The following DGCR8 variants were observed in gnomAD, a reference collection of about 807,000 sequenced individuals.
DGCR8 encodes DGCR8 microprocessor complex subunit, also known as microprocessor complex subunit DGCR8.
A neutral mutation model predicts 78.5 loss-of-function variants in DGCR8; 14 were observed. That is an observed-to-expected ratio of 0.18 (90% CI 0.12 to 0.28). The LOEUF (loss-of-function observed/expected upper bound fraction) is 0.28. Among genes scored for constraint, DGCR8 ranks in the 10% least tolerant of loss-of-function variants. DGCR8 has a pLI of 1.00. For synonymous variants in DGCR8, 399 were observed against 402.4 expected, an observed-to-expected ratio of 0.99 and a Z score of 0.10; for missense variants, 702 against 1,022.5, an observed-to-expected ratio of 0.69 and a Z score of 4.28.
intron 13 of DGCR8, 46 bp from the exon 14 acceptor site, chr22:20,109,979 G>A (rs1398602732): frequency 6.3e-7 from 1 of 1,597,778 alleles, no homozygotes. Context: ...CCGAGCCTCT[G>A]CCAAGCCCAC....
At position 20,110,344 on chromosome 22, in the gene DGCR8, A is replaced by G. The variant is rs1227860519; in HGVS notation, c.*236A>G. 1.7e-5 allele frequency: 9 copies of G among 523,276 alleles called. No individual in the cohort carries two copies. The African/African-American group carries it at 1.7e-4, about 10-fold the overall frequency. The allele number at this position is 523,276 out of a possible 1,614,324, so 32.4% of individuals were successfully genotyped here. A position where few individuals can be genotyped will look rare whatever the true frequency, so the allele number is the denominator to read the frequency against. ...GCTCCAGGCCTGAATGGATGGACTCAGCGACTGCACCAGTGGCAGCTGGTG... is the reference window on the plus strand; with the variant it reads ...GCTCCAGGCCTGAATGGATGGACTCGGCGACTGCACCAGTGGCAGCTGGTG... On this transcript the variant is annotated 3_prime_UTR_variant, in exon 14 of 14. Transcript: ENST00000351989.
chr22:20,105,949 C>T (rs1296251238), intron 9 of DGCR8, among the ~76,000 whole-genome samples: 1 of 152,198 alleles, frequency 6.6e-6, no homozygotes, highest in East Asian at 1.9e-4. Context: ...CTCCATCCCA[C>T]AGTGCTCAGG....
At chr22:20,104,092 G>A (rs931639903) in intron 9 of DGCR8, among the ~76,000 whole-genome samples, 2 of 152,160 alleles carry the variant, frequency 1.3e-5, no homozygotes, top group African/African-American at 4.8e-5. Context: ...CCTGTCCCTG[G>A]CGGGTTAACC....
chr22:20,092,181 C>T (rs969717112), intron 7 of DGCR8, among the ~76,000 whole-genome samples: 1 of 152,152 alleles, frequency 6.6e-6, no homozygotes, highest in Non-Finnish European at 1.5e-5. Flanking sequence ...CCAGTCTGTC[C>T]CCTCTCCCCA....
intron 3 of DGCR8, among the ~76,000 whole-genome samples, chr22:20,088,453 G>T (rs1330379716): frequency 6.6e-6 from 1 of 152,222 alleles, no homozygotes; most frequent in African/African-American, 2.4e-5. Context: ...CCCCACCTCA[G>T]GTGGCTGGGC....
chr22:20,091,230 C>A (rs558271325), intron 5 of DGCR8, among the ~76,000 whole-genome samples: 1 of 152,202 alleles, frequency 6.6e-6, no homozygotes, highest in South Asian at 2.1e-4. Context: ...AAAAGAACAT[C>A]TCAGAAATTC....
intron 9 of DGCR8, among the ~76,000 whole-genome samples, chr22:20,095,460 AG>A (rs1349222225): frequency 1.3e-5 from 2 of 152,200 alleles, no homozygotes; most frequent in Non-Finnish European, 2.9e-5. Flanking sequence ...TAGGGGCACC[AG>A]CCTCTCACGT....
intron 9 of DGCR8, among the ~76,000 whole-genome samples, chr22:20,098,620 G>T (rs2049659188): frequency 6.6e-6 from 1 of 152,170 alleles, no homozygotes; most frequent in Non-Finnish European, 1.5e-5. Flanking sequence ...GTCACAGACT[G>T]GGAGGCTTAA....
At chr22:20,108,837 A>C (rs977380103) in intron 12 of DGCR8, 53 bp from the exon 13 acceptor site, 12 of 846,078 alleles carry the variant, frequency 1.4e-5, no homozygotes, top group Admixed American at 4.0e-5. Flanking sequence ...GGCAGCGGGC[A>C]GGCCGTAGAG....
In DGCR8 at chr22:20,087,112, C is replaced by T. The variant is rs755658510; in HGVS notation, c.721-50C>T. 3 of 1,562,802 alleles carry T rather than the reference C, an allele frequency of 1.9e-6. No homozygotes were observed. Among genetic ancestry groups the T allele is most frequent in the East Asian group, 2.3e-5 (1 of 44,316 alleles). ...GGAATGCTGTTGAGCTCTCCTGTTG[C>T]AGGAGCATGAGCGCCAGGGGCTCTG... is the stretch of plus-strand genomic sequence containing the variant. On this transcript the variant is annotated intron_variant, in intron 2 of 13. Coordinates refer to ENST00000351989, the MANE Select transcript of DGCR8 (RefSeq NM_022720.7). This position sits in a 1 kb window ranked among gnomAD's most constrained non-coding sequence, Gnocchi z 4.1.
At chr22:20,080,495 C>T (rs1242256873) in intron 1 of DGCR8, 112 bp downstream of exon 1, 2 of 982,584 alleles carry the variant, frequency 2.0e-6, no homozygotes, top group Non-Finnish European at 2.4e-6. Context: ...GCGGGCGGGG[C>T]GGGGGCGCGG....
In DGCR8 at chr22:20,100,936, C is replaced by T. The variant is rs1037684618; in HGVS notation, c.1789-5241C>T. On this transcript the variant is annotated intron_variant, in intron 9 of 13. Coordinates refer to ENST00000351989, the MANE Select transcript of DGCR8 (RefSeq NM_022720.7). ...AAATGGGGGCCCCTGCCACCCGGCA[C>T]AGGACCCCTCCTCGTGCTTGGAAAT... The T allele has an allele frequency of 2.0e-4, 130 of 642,322 alleles. 1 individual carries two copies. In the South Asian group the frequency reaches 3.2e-3, roughly 16 times the overall value. The allele number at this position is 642,322 out of a possible 1,614,324, so 39.8% of individuals were successfully genotyped here. A position where few individuals can be genotyped will look rare whatever the true frequency, so the allele number is the denominator to read the frequency against.
rs1231628719 is a variant in DGCR8, at chr22:20,106,173, G to T, written c.1789-4G>T. On this transcript the variant is annotated splice_polypyrimidine_tract_variant and splice_region_variant and intron_variant, in intron 9 of 13. Coordinates refer to ENST00000351989, the MANE Select transcript of DGCR8 (RefSeq NM_022720.7). Reference sequence around the variant, plus strand: ...GACTCACAAGCCTCTGCTTTGTGTTGTAGTATTTTAACCACATCAGCATCG... The same window carrying T: ...GACTCACAAGCCTCTGCTTTGTGTTTTAGTATTTTAACCACATCAGCATCG... The T allele has an allele frequency of 6.2e-7, 1 of 1,613,662 alleles. No homozygotes were observed. The highest frequency in any genetic ancestry group is 2.2e-5 in the East Asian group (1 of 44,894).
Position 20,094,760 on chromosome 22 carries a change from T to C in DGCR8, c.1753T>C (p.Ser585Pro). 1 of 1,614,134 alleles carries C rather than the reference T, an allele frequency of 6.2e-7. No homozygotes were observed. The highest frequency in any genetic ancestry group is 8.5e-7 in the Non-Finnish European group (1 of 1,179,992). ...CATCCCTGACTTTGTTAAACAGACC[T>C]CTGAAGAGAAGCCCAAAGACAGTGA... ...ILIPDFVKQT[S>P]EEKPKDSEEL... Residue 585 changes from serine to proline, a missense_variant, in exon 9 of 14, where the codon TCT (serine) becomes CCT (proline). This residue lies in a region of DGCR8 where 225 missense variants were observed against 427.7 expected (regional missense o/e 0.53). Coordinates refer to ENST00000351989, the MANE Select transcript of DGCR8 (RefSeq NM_022720.7).
At chr22:20,098,624 G>A (rs940433474) in intron 9 of DGCR8, among the ~76,000 whole-genome samples, 2 of 152,160 alleles carry the variant, frequency 1.3e-5, no homozygotes, top group African/African-American at 4.8e-5. Flanking sequence ...CAGACTGGGA[G>A]GCTTAAATGA....
At chr22:20,102,463 C>A (rs1236200144) in intron 9 of DGCR8, among the ~76,000 whole-genome samples, 1 of 152,166 alleles carries the variant, frequency 6.6e-6, no homozygotes, top group African/African-American at 2.4e-5. Context: ...GGGACACTGA[C>A]AGGTTTCTGG....
At chr22:20,092,964 G>C in intron 8 of DGCR8, 57 bp downstream of exon 8, 1 of 1,429,194 alleles carries the variant, frequency 7.0e-7, no homozygotes, top group South Asian at 1.2e-5. Context: ...CTGCCTCGCT[G>C]CTTGGTTAGG....
intron 9 of DGCR8, among the ~76,000 whole-genome samples, chr22:20,095,241 G>C (rs1602487227): frequency 6.6e-6 from 1 of 152,242 alleles, no homozygotes; most frequent in South Asian, 2.1e-4. Context: ...GAGTAGCTGG[G>C]ATTACAGGTG....
chr22:20,086,442 A>G lies in DGCR8; in HGVS notation c.479A>G (p.His160Arg). ...LLLSPVSGDV[H>R]ACPFGGSVGD... ...CTTAGCCCTGTCAGTGGGGACGTGC[A>G]TGCTTGTCCCTTTGGCGGGAGTGTT... Residue 160 changes from histidine to arginine, a missense_variant, in exon 2 of 14, where the codon CAT (histidine) becomes CGT (arginine). Physicochemically the swap from His to Arg is conservative, Grantham distance 29. Around this residue, in one of 4 missense-constraint regions of DGCR8, gnomAD observed 356 missense variants for 448.9 expected, o/e 0.79. Transcript: ENST00000351989. This position sits in a 1 kb window ranked among gnomAD's most constrained non-coding sequence, Gnocchi z 6.4. 1.2e-6 allele frequency: 2 copies of G among 1,614,002 alleles called. No individual in the cohort carries two copies. The highest frequency in any genetic ancestry group is 1.1e-5 in the South Asian group (1 of 91,076).
Sources: gnomAD v4.1 joint callset for allele counts (sites outside exome capture counted in the v4.1 genomes callset) on GRCh38, gnomAD v4.1.1 for gene constraint, gnomAD v4.1.1 regional missense constraint, Gnocchi (gnomAD v3.1) non-coding constraint, MANE v1.5 for transcripts, NCBI Gene and HGNC (gene_info 2026-07-23, HGNC 2026-07-21) for gene names.